The following PLCL1 variants were observed in gnomAD, a reference collection of about 807,000 sequenced individuals.
PLCL1 encodes inactive phospholipase C-like protein 1.
A neutral mutation model predicts 84.4 loss-of-function variants in PLCL1; 41 were observed. The ratio of observed to expected loss-of-function variants is 0.49; its 90% CI spans 0.38 to 0.63. PLCL1 has a LOEUF of 0.63. PLCL1 is among the 30% of genes least tolerant of loss of function. The pLI, the probability that PLCL1 is intolerant of heterozygous loss-of-function variation, is 0.00. For missense variants in PLCL1, 1,206 were observed against 1,367.8 expected, an observed-to-expected ratio of 0.88 and a Z score of 1.87; for synonymous variants, 490 against 488.3, an observed-to-expected ratio of 1.00 and a Z score of -0.05.
intron 1 of PLCL1, among the ~76,000 whole-genome samples, chr2:197,989,174 A>G (rs1161766230): frequency 6.6e-6 from 1 of 151,308 alleles, no homozygotes; most frequent in Non-Finnish European, 1.5e-5. Context: ...TCTTATTACT[A>G]TTCATTCATT....
intron 1 of PLCL1, among the ~76,000 whole-genome samples, chr2:198,056,932 A>G (rs1438159760): frequency 1.3e-5 from 2 of 152,134 alleles, no homozygotes; most frequent in Non-Finnish European, 2.9e-5. Context: ...CACAACCTTG[A>G]TTTGGGGTTT....
intron 1 of PLCL1, among the ~76,000 whole-genome samples, chr2:197,921,249 C>G (rs1320437067): frequency 1.3e-5 from 2 of 152,176 alleles, no homozygotes; most frequent in Non-Finnish European, 1.5e-5. Flanking sequence ...TTATGTGGTA[C>G]ATGACTGTAT....
intron 1 of PLCL1, among the ~76,000 whole-genome samples, chr2:197,844,628 C>A (rs1298079752): frequency 6.6e-6 from 1 of 152,004 alleles, no homozygotes; most frequent in Non-Finnish European, 1.5e-5. Context: ...ATTTTAATCT[C>A]TTCATGGAAA....
chr2:198,060,329 GAT>G (rs1273672144), intron 1 of PLCL1, among the ~76,000 whole-genome samples: 1 of 152,184 alleles, frequency 6.6e-6, no homozygotes, highest in East Asian at 1.9e-4. Flanking sequence ...TTTTGATAGA[GAT>G]ATGTGAATTA....
chr2:198,013,040 G>A (rs1406918222), intron 1 of PLCL1, among the ~76,000 whole-genome samples: 1 of 151,938 alleles, frequency 6.6e-6, no homozygotes, highest in African/African-American at 2.4e-5. Flanking sequence ...TCATATCCAT[G>A]AACATAGATT....
At chr2:198,114,795 A>AAGTG (rs71015810) in intron 5 of PLCL1, among the ~76,000 whole-genome samples, 1 of 150,506 alleles carries the variant, frequency 6.6e-6, no homozygotes, top group Non-Finnish European at 1.5e-5. Context: ...ACTTCTCTGA[A>AAGTG]TGTGTGTGTG....
At chr2:197,920,003 G>A (rs1023185614) in intron 1 of PLCL1, among the ~76,000 whole-genome samples, 11 of 151,998 alleles carry the variant, frequency 7.2e-5, no homozygotes, top group African/African-American at 9.7e-5. Context: ...GAAAATGAGG[G>A]TAATAATAAT....
chr2:198,100,494 T>C (rs553191883), intron 3 of PLCL1, among the ~76,000 whole-genome samples: 1 of 152,056 alleles, frequency 6.6e-6, no homozygotes, highest in East Asian at 1.9e-4. Context: ...GAAAGAAATG[T>C]GTGGGAGGAG....
chr2:197,972,999 A>G (rs959535482), intron 1 of PLCL1, among the ~76,000 whole-genome samples: 1 of 152,204 alleles, frequency 6.6e-6, no homozygotes, highest in African/African-American at 2.4e-5. Flanking sequence ...GGCTGTGCAG[A>G]GCAGGAGACA....
chr2:198,020,991 A>G (rs1691119935), intron 1 of PLCL1, among the ~76,000 whole-genome samples: 1 of 152,214 alleles, frequency 6.6e-6, no homozygotes, highest in Admixed American at 6.5e-5. Context: ...GGACCACATA[A>G]TTGGAAGTAA....
chr2:197,868,306 A>T (rs1316209109), intron 1 of PLCL1, among the ~76,000 whole-genome samples: 1 of 152,184 alleles, frequency 6.6e-6, no homozygotes, highest in African/African-American at 2.4e-5. Flanking sequence ...AGTGTCTTTC[A>T]TATCAGATGT....
chr2:198,044,120 T>C (rs1175088342), intron 1 of PLCL1, among the ~76,000 whole-genome samples: 1 of 152,184 alleles, frequency 6.6e-6, no homozygotes, highest in Non-Finnish European at 1.5e-5. Flanking sequence ...TGAGGCCAAG[T>C]ATAAATAAGG....
chr2:197,871,897 C>T (rs1687657284), intron 1 of PLCL1, among the ~76,000 whole-genome samples: 1 of 151,980 alleles, frequency 6.6e-6, no homozygotes, highest in South Asian at 2.1e-4. Flanking sequence ...CCCTTTACAC[C>T]CTCTACAAAG....
chr2:197,808,101 T>A (rs1690517735), intron 1 of PLCL1, among the ~76,000 whole-genome samples: 1 of 152,210 alleles, frequency 6.6e-6, no homozygotes, highest in African/African-American at 2.4e-5. Context: ...AATCCTAGGT[T>A]TAAAAACGTT....
chr2:197,833,704 T>G (rs1386747081), intron 1 of PLCL1, among the ~76,000 whole-genome samples: 1 of 152,160 alleles, frequency 6.6e-6, no homozygotes, highest in Admixed American at 6.5e-5. Flanking sequence ...TGCTCATGGA[T>G]AGGAAGAATC....
chr2:198,055,589 A>G (rs1218196613), intron 1 of PLCL1, among the ~76,000 whole-genome samples: 1 of 150,558 alleles, frequency 6.6e-6, no homozygotes, highest in Non-Finnish European at 1.5e-5. Context: ...ATGTACTTCT[A>G]AAATATGATG....
chr2:198,100,816 G>T (rs1693313373), intron 3 of PLCL1, among the ~76,000 whole-genome samples: 1 of 151,830 alleles, frequency 6.6e-6, no homozygotes, highest in Non-Finnish European at 1.5e-5. Flanking sequence ...AGTGGGGTGG[G>T]GGAGAGACAG....
intron 1 of PLCL1, among the ~76,000 whole-genome samples, chr2:198,053,370 G>A (rs1168670795): frequency 6.6e-6 from 1 of 152,214 alleles, no homozygotes; most frequent in Non-Finnish European, 1.5e-5. Context: ...CACAGCTGCT[G>A]TGTTTGCTTT....
intron 1 of PLCL1, among the ~76,000 whole-genome samples, chr2:197,883,249 G>A (rs560842770): frequency 3.9e-5 from 6 of 152,130 alleles, no homozygotes; most frequent in Admixed American, 2.6e-4. Flanking sequence ...GATTACTTAG[G>A]AACACCTAAA....
Sources: gnomAD v4.1 joint callset for allele counts (sites outside exome capture counted in the v4.1 genomes callset) on GRCh38, gnomAD v4.1.1 for gene constraint, MANE v1.5 for transcripts, NCBI Gene and HGNC (gene_info 2026-07-23, HGNC 2026-07-21) for gene names.